Variants in CAPN13 observed in about 807,000 individuals in gnomAD.
CAPN13 encodes calpain-13.
A neutral mutation model predicts 98.4 loss-of-function variants in CAPN13; 90 were observed. That is an observed-to-expected ratio of 0.92 (90% CI 0.77 to 1.09). CAPN13 has a LOEUF of 1.09. CAPN13 is among the 50% of genes least tolerant of loss of function. The probability of loss-of-function intolerance (pLI) is 0.00; values close to 1 mark genes in which losing one functional copy is unlikely to be tolerated. For missense variants in CAPN13, 887 were observed against 841.3 expected, an observed-to-expected ratio of 1.05 and a Z score of -0.67; for synonymous variants, 330 against 305.5, an observed-to-expected ratio of 1.08 and a Z score of -0.84.
intron 5 of CAPN13, among the ~76,000 whole-genome samples, chr2:30,768,440 C>A (rs577971182): frequency 2.0e-5 from 3 of 152,204 alleles, no homozygotes; most frequent in Admixed American, 6.5e-5. Context: ...GGAGGAGGAG[C>A]GGGCCAGCTA....
intron 18 of CAPN13, among the ~76,000 whole-genome samples, chr2:30,736,134 G>T (rs1416405945): frequency 6.6e-6 from 1 of 150,908 alleles, no homozygotes; most frequent in Non-Finnish European, 1.5e-5. Flanking sequence ...TGAGGCCTCA[G>T]GCCACATCTA....
chr2:30,791,260 G>A (rs1462354606), intron 1 of CAPN13, among the ~76,000 whole-genome samples: 1 of 152,174 alleles, frequency 6.6e-6, no homozygotes, highest in Non-Finnish European at 1.5e-5. Context: ...TGAATTAACG[G>A]AAAAATGATG....
At chr2:30,729,615 A>G (rs554469904) in intron 22 of CAPN13, 26 of 152,362 alleles carry the variant, frequency 1.7e-4, no homozygotes, top group African/African-American at 6.3e-4. Context: ...AGGAGAACTC[A>G]AGGAAATATG....
At chr2:30,739,061 T>C (rs553405799) in intron 15 of CAPN13, among the ~76,000 whole-genome samples, 34 of 152,144 alleles carry the variant, frequency 2.2e-4, no homozygotes, top group Non-Finnish European at 2.4e-4. Context: ...CAATTGAGGT[T>C]GGGGAGGGAG....
intron 1 of CAPN13, among the ~76,000 whole-genome samples, chr2:30,787,564 A>G (rs1674360860): frequency 6.6e-6 from 1 of 152,172 alleles, no homozygotes; most frequent in Admixed American, 6.5e-5. Flanking sequence ...GCTGTACAAA[A>G]CAGCTTTCCC....
intron 1 of CAPN13, among the ~76,000 whole-genome samples, chr2:30,789,172 C>T (rs1674479532): frequency 6.6e-6 from 1 of 152,170 alleles, no homozygotes; most frequent in African/African-American, 2.4e-5. Context: ...GTCAAGATAT[C>T]ATTCAAGAGT....
At chr2:30,794,960 A>G (rs1674783399) in intron 1 of CAPN13, among the ~76,000 whole-genome samples, 1 of 152,004 alleles carries the variant, frequency 6.6e-6, no homozygotes. Flanking sequence ...ATGATTTCAC[A>G]TGTGTATACA....
At chr2:30,800,132 GAA>G (rs1279341369) in intron 1 of CAPN13, among the ~76,000 whole-genome samples, 1 of 138,776 alleles carries the variant, frequency 7.2e-6, no homozygotes, top group African/African-American at 2.9e-5. Context: ...AAGAAAGAAA[GAA>G]AGAAAGAAAG....
intron 10 of CAPN13, 98 bp downstream of exon 10, chr2:30,752,955 T>G: frequency 7.4e-7 from 1 of 1,344,392 alleles, no homozygotes; most frequent in Non-Finnish European, 1.0e-6. Context: ...AGGCTCATGG[T>G]CCAGAATCAA....
At chr2:30,770,482 G>A (rs767267209) in intron 4 of CAPN13, 33 bp from the exon 5 acceptor site, 3 of 1,607,252 alleles carry the variant, frequency 1.9e-6, no homozygotes, top group Non-Finnish European at 2.6e-6. Context: ...CTTTGACAGA[G>A]TTGAGGCAGA....
At chr2:30,780,744 G>A (rs1040722710) in intron 2 of CAPN13, among the ~76,000 whole-genome samples, 6 of 152,126 alleles carry the variant, frequency 3.9e-5, no homozygotes, top group African/African-American at 4.8e-5. Flanking sequence ...TGTTCCTTCC[G>A]GACTCTGGAC....
chr2:30,776,030 A>G lies in CAPN13; in HGVS notation c.287T>C (p.Leu96Pro), dbSNP rs771458397. Residue 96 changes from leucine to proline, a missense_variant, in exon 4 of 23, where the codon CTG (leucine) becomes CCG (proline). Coordinates refer to ENST00000295055, the MANE Select transcript of CAPN13 (RefSeq NM_144575.3). ...CTGAGTCAAGGATCCCAGTGCTGCC[A>G]GGAACCAGCAGTCAGCTGTGAGGGG... ...QQGGAADCWF[L>P]AALGSLTQNP... 2 of 1,611,214 alleles carry G rather than the reference A, an allele frequency of 1.2e-6. No individual in the cohort carries two copies. Among genetic ancestry groups the G allele is most frequent in the Admixed American group, 3.3e-5 (2 of 59,760 alleles).
intron 19 of CAPN13, 78 bp from the exon 20 acceptor site, chr2:30,732,644 C>T (rs1671164137): frequency 9.2e-6 from 14 of 1,529,968 alleles, no homozygotes; most frequent in Non-Finnish European, 1.1e-5. Context: ...TCTGAGACAC[C>T]TGTTCAGAGG....
intron 1 of CAPN13, among the ~76,000 whole-genome samples, chr2:30,802,960 A>C (rs979994562): frequency 1.3e-5 from 2 of 152,198 alleles, no homozygotes; most frequent in Non-Finnish European, 2.9e-5. Context: ...GCACTGGCTC[A>C]GGACAGCCCC....
chr2:30,734,269 GTT>G (rs913918642), intron 19 of CAPN13, among the ~76,000 whole-genome samples, 178 bp downstream of exon 19: 1 of 152,214 alleles, frequency 6.6e-6, no homozygotes. Context: ...GGGCAACTGT[GTT>G]TGAGTCTGCA....
Position 30,728,846 on chromosome 2 carries a change from T to C in CAPN13, c.*30+1884A>G, listed in dbSNP as rs559568346. 2.0e-5 allele frequency among the ~76,000 whole-genome samples: 3 copies of C among 152,322 alleles called. No individual in the cohort carries two copies. The East Asian group carries it at 5.8e-4, about 29-fold the overall frequency. On this transcript the variant is annotated intron_variant, in intron 22 of 22. Transcript: ENST00000295055. ...ATGCCAAAGTCAGGGAGAGAGATGA[T>C]GTCAAAGAAATCTCAACTGAAGCAG...
chr2:30,801,869 G>T (rs1488565930), intron 1 of CAPN13, among the ~76,000 whole-genome samples: 1 of 152,182 alleles, frequency 6.6e-6, no homozygotes, highest in Non-Finnish European at 1.5e-5. Context: ...TGCCAGAATT[G>T]TGTCCAAATA....
At position 30,775,924 on chromosome 2, in the gene CAPN13, A is replaced by C; in HGVS notation, c.387+6T>G. 1 of 1,603,784 alleles carries C rather than the reference A, an allele frequency of 6.2e-7. No individual in the cohort carries two copies. Among genetic ancestry groups the C allele is most frequent in the Non-Finnish European group, 8.5e-7 (1 of 1,173,302 alleles). ...CATATAATGAGCGCTGCAAGGGCAC[A>C]CGTACCCGGAAACGGAAAATGCCAG... On this transcript the variant is annotated splice_donor_region_variant and intron_variant, in intron 4 of 22. Coordinates refer to ENST00000295055, the MANE Select transcript of CAPN13 (RefSeq NM_144575.3).
At chr2:30,782,262 C>A (rs368369427) in intron 2 of CAPN13, among the ~76,000 whole-genome samples, 6 of 152,214 alleles carry the variant, frequency 3.9e-5, no homozygotes, top group Non-Finnish European at 7.3e-5. Context: ...ACACGGCATG[C>A]CGCTCTTGGA....
Sources: allele counts gnomAD v4.1 joint callset (sites outside exome capture counted in the v4.1 genomes callset), GRCh38; gene constraint gnomAD v4.1.1; transcripts MANE v1.5; gene names NCBI Gene and HGNC (gene_info 2026-07-23, HGNC 2026-07-21).